The following ADAD2 variants were observed in gnomAD, a reference collection of about 807,000 sequenced individuals.
ADAD2 encodes adenosine deaminase domain-containing protein 2.
ADAD2 carries 60 observed loss-of-function variants against 54.5 expected under a neutral mutation model. That is an observed-to-expected ratio of 1.10 (90% CI 0.89 to 1.36). The LOEUF (loss-of-function observed/expected upper bound fraction) is 1.36. ADAD2 is among the 40% of genes most tolerant of loss of function. The pLI is 0.00. For synonymous variants in ADAD2, 543 were observed against 366.2 expected (o/e 1.48, Z -5.51); for missense variants, 1,103 against 801.3 (o/e 1.38, Z -4.54).
At chr16:84,195,790 A>T in intron 6 of ADAD2, 25 bp from the exon 7 acceptor site, 2 of 1,571,650 alleles carry the variant, frequency 1.3e-6, no homozygotes, top group Non-Finnish European at 1.7e-6. Context: ...CCTGAAGCTG[A>T]TGTCTGTCCC....
At chr16:84,194,761 C>G in intron 2 of ADAD2, 172 bp from the exon 3 acceptor site, 3 of 1,285,840 alleles carry the variant, frequency 2.3e-6, no homozygotes, top group Non-Finnish European at 3.2e-6. Context: ...TGTGCCGGTC[C>G]CTGCTTTCAC....
intron 1 of ADAD2, chr16:84,193,971 T>A (rs200616300): frequency 1.5e-5 from 23 of 1,527,728 alleles, no homozygotes; most frequent in Non-Finnish European, 6.2e-6. Flanking sequence ...CTCTTTTGTG[T>A]TATAAGTAAC....
intron 6 of ADAD2, 54 bp from the exon 7 acceptor site, chr16:84,195,761 C>T: frequency 6.5e-7 from 1 of 1,541,184 alleles, no homozygotes; most frequent in Non-Finnish European, 8.7e-7. Context: ...TGGGTGGGGG[C>T]CAGGGTCAGA....
rs760777474 is a variant in ADAD2 at position 84,195,839 on chromosome 16, C to T, written c.1077C>T (p.Gly359=). 1.7e-5 allele frequency: 28 copies of T among 1,605,878 alleles called. No individual in the cohort carries two copies. Among genetic ancestry groups the T allele is most frequent in the Non-Finnish European group, 2.3e-5 (27 of 1,177,952 alleles). ...DIYLPPTSEG[G]LPHSPPMRLQ... is the part of the protein sequence containing the mutation. Reference sequence around the variant, plus strand: ...GCCTGCCCCCCACCTCGGAAGGTGGCCTCCCGCACAGCCCACCCATGCGCC... The same window carrying T: ...GCCTGCCCCCCACCTCGGAAGGTGGTCTCCCGCACAGCCCACCCATGCGCC... Residue 359 remains glycine, a synonymous_variant, in exon 7 of 10, where the codon GGC becomes GGT. Coordinates refer to ENST00000315906, the MANE Select transcript of ADAD2 (RefSeq NM_001145400.2).
rs1567615181 is a variant in ADAD2, at chr16:84,196,745, T to A, written c.1625T>A (p.Leu542Ter). The A allele has an allele frequency of 1.2e-6, 2 of 1,612,588 alleles. No homozygotes were observed. The part of the protein sequence containing the change: ...RAVGKPYLLA[L>*]KTYEAAKAGP... ...GTGGGGAAGCCCTACCTCCTGGCCT[T>A]GAAGACCTACGAGGCTGCCAAGGTT... Residue 542 changes from leucine to a stop codon, truncating the protein, a stop_gained, in exon 9 of 10, where the codon TTG becomes TAG. Transcript: ENST00000315906. LOFTEE classifies it high-confidence loss of function.
At chr16:84,194,720 C>A in intron 2 of ADAD2, 138 bp downstream of exon 2, 1 of 1,438,520 alleles carries the variant, frequency 7.0e-7, no homozygotes, top group Non-Finnish European at 9.5e-7. Context: ...AGCATCAGGA[C>A]GTCACCTGCA....
rs559741061 is a variant in ADAD2, at chr16:84,196,891, C to T, written c.1669C>T (p.Arg557Cys). The T allele has an allele frequency of 1.9e-5, 30 of 1,593,760 alleles. No individual in the cohort carries two copies. Among genetic ancestry groups the T allele is most frequent in the Non-Finnish European group, 2.4e-5 (28 of 1,170,758 alleles). The change falls in exon 10 of 10, where the codon CGC becomes TGC. Residue 557 changes from arginine to cysteine, a missense_variant. Coordinates refer to ENST00000315906, the MANE Select transcript of ADAD2 (RefSeq NM_001145400.2). The part of the protein sequence containing the change: ...AAKAGPYQEA[R>C]RQLSLLLDQQ... ...CTAGGCTGGGCCCTACCAGGAGGCT[C>T]GCAGGCAGCTGTCTCTCCTCCTGGA... is the stretch of plus-strand genomic sequence containing the variant.
intron 6 of ADAD2, 28 bp from the exon 7 acceptor site, chr16:84,195,787 C>T (rs1045943126): frequency 1.3e-6 from 2 of 1,570,808 alleles, no homozygotes; most frequent in African/African-American, 2.7e-5. Flanking sequence ...AGCCCTGAAG[C>T]TGATGTCTGT....
rs1266590740 is a variant in ADAD2 at position 84,197,125 on chromosome 16, G to A, written c.*151G>A. On this transcript the variant is annotated 3_prime_UTR_variant, in exon 10 of 10. Coordinates refer to ENST00000315906, the MANE Select transcript of ADAD2 (RefSeq NM_001145400.2). Reference sequence around the variant, plus strand: ...AGGAGCCTGCTGTGGTTGGGAGGCGGCTGCTGCACGTTTGGGCTTGAATAA... The same window carrying A: ...AGGAGCCTGCTGTGGTTGGGAGGCGACTGCTGCACGTTTGGGCTTGAATAA... The A allele has an allele frequency of 8.2e-6, 6 of 733,944 alleles. No individual in the cohort carries two copies. The highest frequency in any genetic ancestry group is 1.3e-5 in the Non-Finnish European group (6 of 449,508). 45.5% of individuals were successfully genotyped at this position (733,944 alleles called of 1,614,324 possible). A position where few individuals can be genotyped will look rare whatever the true frequency, so the allele number is the denominator to read the frequency against.
chr16:84,196,516 C>T, intron 8 of ADAD2, 131 bp from the exon 9 acceptor site: 1 of 1,544,880 alleles, frequency 6.5e-7, no homozygotes, highest in Non-Finnish European at 8.8e-7. Flanking sequence ...GTAGTGGTGG[C>T]CACACCTCTG....
Position 84,194,984 on chromosome 16 carries a change from G to A in ADAD2, c.607+4G>A, listed in dbSNP as rs1417513731. 13 of 1,593,432 alleles carry A rather than the reference G, an allele frequency of 8.2e-6. No individual in the cohort carries two copies. Among genetic ancestry groups the A allele is most frequent in the South Asian group, 3.3e-5 (3 of 90,400 alleles). On this transcript the variant is annotated splice_donor_region_variant and intron_variant, in intron 3 of 9. Transcript: ENST00000315906. ...CCACTGGCCCCCCTGAGCGTAGGTAGGTGAGCATTCCCGGACCCAGGCTTG... is the reference window on the plus strand; with the variant it reads ...CCACTGGCCCCCCTGAGCGTAGGTAAGTGAGCATTCCCGGACCCAGGCTTG...
intron 1 of ADAD2, chr16:84,194,226 G>T: frequency 6.4e-7 from 1 of 1,558,594 alleles, no homozygotes; most frequent in Middle Eastern, 1.7e-4. Context: ...AGTTGGGTGA[G>T]GACTTGGTTG....
At chr16:84,193,871 C>A in intron 1 of ADAD2, 1 of 944,972 alleles carries the variant, frequency 1.1e-6, no homozygotes. Flanking sequence ...CCCAGAGGGG[C>A]AGTCCTTGGG....
Position 84,191,466 on chromosome 16 carries a change from G to T in ADAD2, c.236G>T (p.Gly79Val). The T allele has an allele frequency of 6.5e-7, 1 of 1,532,988 alleles. No homozygotes were observed. The allele number at this position is 1,532,988 out of a possible 1,614,324, so 95.0% of individuals were successfully genotyped here. The change falls in exon 1 of 10, where the codon GGG (glycine) becomes GTG (valine). Residue 79 changes from glycine to valine, a missense_variant. Coordinates refer to ENST00000315906, the MANE Select transcript of ADAD2 (RefSeq NM_001145400.2). ...PGAGAGVGEL[G>V]AARAWENLGE... is the part of the protein sequence containing the mutation. ...GCAGGGGCCGGAGTCGGGGAACTGG[G>T]GGCAGCCCGGGCGTGGGAAAACTTG...
At chr16:84,191,711 A>T (rs1175662812) in intron 1 of ADAD2, 63 bp downstream of exon 1, 4 of 1,539,240 alleles carry the variant, frequency 2.6e-6, no homozygotes, top group African/African-American at 2.7e-5. Flanking sequence ...GGGTCCCAGG[A>T]CGTGGGGAGC....
Position 84,191,539 on chromosome 16 carries a change from G to T in ADAD2, c.309G>T (p.Gly103=). The T allele has an allele frequency of 6.5e-7, 1 of 1,547,560 alleles. No homozygotes were observed. The highest frequency in any genetic ancestry group is 8.7e-7 in the Non-Finnish European group (1 of 1,146,724). The change falls in exon 1 of 10, where the codon GGG becomes GGT. Residue 103 remains glycine, a synonymous_variant. Coordinates refer to ENST00000315906, the MANE Select transcript of ADAD2 (RefSeq NM_001145400.2). The stretch of plus-strand genomic sequence containing the variant: ...CGAGGGTCCCTGTGCCCCCAGCAGG[G>T]CTCAGCCTGCCGCTCAAAGACCCAC... The part of the protein sequence containing the change: ...KAPRVPVPPA[G]LSLPLKDPPA...
In ADAD2 at chr16:84,196,990, G is replaced by A. The variant is rs1178488309; in HGVS notation, c.*16G>A. 6.3e-7 allele frequency: 1 copy of A among 1,576,482 alleles called. No homozygotes were observed. Among genetic ancestry groups the A allele is most frequent in the East Asian group, 2.3e-5 (1 of 43,350 alleles). On this transcript the variant is annotated 3_prime_UTR_variant, in exon 10 of 10. Transcript: ENST00000315906. ...CAGAAACTGAAGCCAGCCTCGGCGG[G>A]ACCGAGGTCCCGGAGCCAAGCTGTA...
At chr16:84,194,619 G>A in intron 2 of ADAD2, 37 bp downstream of exon 2, 1 of 1,580,102 alleles carries the variant, frequency 6.3e-7, no homozygotes, top group Non-Finnish European at 8.6e-7. Context: ...AGCCGCAGCT[G>A]GGGACAAGAG....
Position 84,194,994 on chromosome 16 carries a change from C to T in ADAD2, c.607+14C>T. 1 of 1,545,074 alleles carries T rather than the reference C, an allele frequency of 6.5e-7. No homozygotes were observed. The highest frequency in any genetic ancestry group is 8.7e-7 in the Non-Finnish European group (1 of 1,153,270). ...CCCTGAGCGTAGGTAGGTGAGCATT[C>T]CCGGACCCAGGCTTGTAGTGTCGAG... On this transcript the variant is annotated intron_variant, in intron 3 of 9. Transcript: ENST00000315906.
Sources: gnomAD v4.1 joint callset for allele counts on GRCh38, gnomAD v4.1.1 for gene constraint, MANE v1.5 for transcripts, NCBI Gene and HGNC (gene_info 2026-07-23, HGNC 2026-07-21) for gene names.